The following CHD6 variants were observed in gnomAD, a reference collection of about 807,000 sequenced individuals.
CHD6 encodes the protein chromodomain helicase DNA binding protein 6.
Under a neutral mutation model 276.9 loss-of-function variants are expected in CHD6, and 50 were observed. The ratio of observed to expected loss-of-function variants is 0.18; its 90% CI spans 0.14 to 0.23. The LOEUF (loss-of-function observed/expected upper bound fraction) is 0.23. Ranked by LOEUF, CHD6 falls within the 10% of genes least tolerant of loss-of-function variation. CHD6 has a pLI of 1.00. For synonymous variants in CHD6, 1,173 were observed against 1,229.3 expected, an observed-to-expected ratio of 0.95 and a Z score of 0.96; for missense variants, 2,564 against 3,365.8, an observed-to-expected ratio of 0.76 and a Z score of 5.89.
At chr20:41,548,619 G>T (rs1286900762) in intron 2 of CHD6, among the ~76,000 whole-genome samples, 5 of 152,196 alleles carry the variant, frequency 3.3e-5, no homozygotes, top group African/African-American at 1.2e-4. Context: ...AAAAGCAATG[G>T]CAACAAAAGC....
intron 32 of CHD6, 147 bp downstream of exon 32, chr20:41,417,051 G>T: frequency 1.3e-6 from 1 of 789,216 alleles, no homozygotes; most frequent in Non-Finnish European, 2.0e-6. Flanking sequence ...TATCTTTAAT[G>T]TTCAAATGCT....
chr20:41,605,690 A>ATGTAAGACTTATTG (rs1161701173), intron 1 of CHD6, among the ~76,000 whole-genome samples: 1 of 152,228 alleles, frequency 6.6e-6, no homozygotes, highest in Non-Finnish European at 1.5e-5. Flanking sequence ...GATAAACCAC[A>ATGTAAGACTTATTG]TGTAAGACTT....
intron 3 of CHD6, among the ~76,000 whole-genome samples, chr20:41,526,709 C>G (rs1276722647): frequency 6.6e-6 from 1 of 152,196 alleles, no homozygotes; most frequent in Non-Finnish European, 1.5e-5. Flanking sequence ...GGGCTGATCA[C>G]ACCAACCACT....
At chr20:41,463,427 G>C (rs1224463421) in intron 17 of CHD6, among the ~76,000 whole-genome samples, 1 of 152,154 alleles carries the variant, frequency 6.6e-6, no homozygotes. Flanking sequence ...GGGAAAAACA[G>C]AAACTTTATA....
intron 1 of CHD6, among the ~76,000 whole-genome samples, chr20:41,616,813 CAAA>C (rs910236967): frequency 1.6e-4 from 24 of 152,114 alleles, no homozygotes; most frequent in African/African-American, 5.8e-4. Flanking sequence ...ATAAAGTTCA[CAAA>C]AACTCTCTCT....
Position 41,404,451 on chromosome 20 carries a change from C to A in CHD6, c.*142G>T. ...ACCCTGCAACTATTAACATCTGTTA[C>A]CATAGTTCTCAGACAGGAAATCAGG... is the stretch of plus-strand genomic sequence containing the variant. On this transcript the variant is annotated 3_prime_UTR_variant, in exon 37 of 37. Transcript: ENST00000373233. The A allele has an allele frequency of 1.3e-5, 18 of 1,354,344 alleles. No homozygotes were observed. In the South Asian group the frequency reaches 1.5e-4, roughly 11 times the overall value. 83.9% of individuals were successfully genotyped at this position (1,354,344 alleles called of 1,614,324 possible). A position where few individuals can be genotyped will look rare whatever the true frequency, so the allele number is the denominator to read the frequency against.
intron 1 of CHD6, among the ~76,000 whole-genome samples, chr20:41,583,360 T>A (rs1248503419): frequency 1.3e-5 from 2 of 151,314 alleles, no homozygotes; most frequent in African/African-American, 2.4e-5. Flanking sequence ...TTTTTTGCAA[T>A]CCAGAGGACA....
At chr20:41,430,925 T>C (rs1485562512) in intron 27 of CHD6, among the ~76,000 whole-genome samples, 2 of 149,698 alleles carry the variant, frequency 1.3e-5, no homozygotes, top group Non-Finnish European at 3.0e-5. Context: ...GGTGGCTCGA[T>C]CTTGGCTCAC....
chr20:41,556,927 G>A (rs1180255529), intron 1 of CHD6, among the ~76,000 whole-genome samples: 4 of 152,100 alleles, frequency 2.6e-5, no homozygotes, highest in African/African-American at 9.7e-5. Context: ...TATGTACTAG[G>A]AATAGATGAA....
At chr20:41,410,650 A>C (rs1213825057) in intron 36 of CHD6, among the ~76,000 whole-genome samples, 1 of 152,178 alleles carries the variant, frequency 6.6e-6, no homozygotes, top group Non-Finnish European at 1.5e-5. Flanking sequence ...TATTTAATAA[A>C]AGAGGCTAAC....
chr20:41,534,976 C>T (rs763362578), intron 2 of CHD6, among the ~76,000 whole-genome samples: 98 of 152,278 alleles, frequency 6.4e-4, no homozygotes, highest in Non-Finnish European at 5.7e-4. Flanking sequence ...TTCTTGAATT[C>T]TGTGCCAAGG....
chr20:41,542,810 A>T (rs1303668048), intron 2 of CHD6, among the ~76,000 whole-genome samples: 1 of 151,800 alleles, frequency 6.6e-6, no homozygotes, highest in Non-Finnish European at 1.5e-5. Context: ...TTTACACATA[A>T]AATGGATGCC....
chr20:41,560,233 A>AT (rs1165291694), intron 1 of CHD6, among the ~76,000 whole-genome samples: 1 of 152,220 alleles, frequency 6.6e-6, no homozygotes, highest in Non-Finnish European at 1.5e-5. Context: ...CTTAAAAAAA[A>AT]TAAAAACATA....
chr20:41,587,798 A>C (rs574456854), intron 1 of CHD6, among the ~76,000 whole-genome samples: 1 of 151,720 alleles, frequency 6.6e-6, no homozygotes, highest in South Asian at 2.1e-4. Context: ...ACAGGCCAGC[A>C]ACTGATGACA....
At chr20:41,547,690 T>C (rs531840603) in intron 2 of CHD6, 13 of 721,406 alleles carry the variant, frequency 1.8e-5, no homozygotes, top group Admixed American at 5.7e-5. Flanking sequence ...GAACCACCAA[T>C]AGACAGAAAG....
At chr20:41,497,125 C>T in intron 8 of CHD6, 1 of 415,560 alleles carries the variant, frequency 2.4e-6, no homozygotes, top group Non-Finnish European at 4.5e-6. Flanking sequence ...ATTCCTCTCA[C>T]TCTAGCTATT....
chr20:41,465,767 G>A (rs2042905927), intron 17 of CHD6, among the ~76,000 whole-genome samples: 1 of 151,934 alleles, frequency 6.6e-6, no homozygotes, highest in South Asian at 2.1e-4. Flanking sequence ...TTTTAAAAAA[G>A]GTTAAAAAAA....
chr20:41,505,254 C>T lies in CHD6; in HGVS notation c.853-5897G>A, dbSNP rs541552072. Among the ~76,000 whole-genome samples the T allele has an allele frequency of 1.3e-3, 196 of 152,260 alleles. 1 individual carries two copies. Among genetic ancestry groups the T allele is most frequent in the Admixed American group, 0.01 (155 of 15,304 alleles). On this transcript the variant is annotated intron_variant, in intron 5 of 36. Coordinates refer to ENST00000373233, the MANE Select transcript of CHD6 (RefSeq NM_032221.5). ...CATTCCTTTAGTGATTTTTTTGTCT[C>T]GTAAGTACCACGCAACTATGAAATT...
chr20:41,445,469 C>T (rs1394874937), intron 25 of CHD6, among the ~76,000 whole-genome samples, 196 bp downstream of exon 25: 4 of 152,098 alleles, frequency 2.6e-5, no homozygotes, highest in Admixed American at 6.6e-5. Context: ...ATATAAAATT[C>T]GCAGTATTAT....
Sources: allele counts gnomAD v4.1 joint callset (sites outside exome capture counted in the v4.1 genomes callset), GRCh38; gene constraint gnomAD v4.1.1; transcripts MANE v1.5; gene names NCBI Gene and HGNC (gene_info 2026-07-23, HGNC 2026-07-21).